Variants in CYLD observed in about 807,000 individuals in gnomAD.
CYLD encodes CYLD lysine 63 deubiquitinase.
In CYLD, 26 loss-of-function variants were observed where a neutral mutation model predicts 104.5. The observed-to-expected ratio is 0.25, with a 90% CI of 0.18 to 0.35. CYLD has a LOEUF of 0.35. Ranked by LOEUF, CYLD falls within the 10% of genes least tolerant of loss-of-function variation. The pLI, the probability that CYLD is intolerant of heterozygous loss-of-function variation, is 1.00. For synonymous variants in CYLD, 385 were observed against 399.9 expected (o/e 0.96, Z 0.45); for missense variants, 703 against 1,136.1 (o/e 0.62, Z 5.48).
At chr16:50,755,085 A>G (rs1966955288) in intron 5 of CYLD, among the ~76,000 whole-genome samples, 1 of 95,222 alleles carries the variant, frequency 1.1e-5, no homozygotes, top group Admixed American at 9.5e-5. Flanking sequence ...ACATATACAC[A>G]CATATATACA....
At chr16:50,759,544 G>T (rs1967668961) in intron 5 of CYLD, among the ~76,000 whole-genome samples, 1 of 152,112 alleles carries the variant, frequency 6.6e-6, no homozygotes, top group Admixed American at 6.5e-5. Flanking sequence ...AAATCTTACT[G>T]ATTTTTAAAT....
intron 5 of CYLD, among the ~76,000 whole-genome samples, chr16:50,761,858 G>A (rs1967980069): frequency 6.6e-6 from 1 of 152,022 alleles, no homozygotes; most frequent in South Asian, 2.1e-4. Context: ...CCCACAGGTA[G>A]AAGATACCCT....
chr16:50,749,342 C>T (rs1966444814), intron 2 of CYLD, among the ~76,000 whole-genome samples: 1 of 152,208 alleles, frequency 6.6e-6, no homozygotes, highest in East Asian at 1.9e-4. Flanking sequence ...AAGTACTTTA[C>T]AATTGGATTT....
chr16:50,767,466 A>T (rs868745763), intron 5 of CYLD, among the ~76,000 whole-genome samples: 11 of 143,940 alleles, frequency 7.6e-5, no homozygotes, highest in African/African-American at 2.6e-4. Flanking sequence ...GTGGGTTTCA[A>T]TTTTTTTTTT....
chr16:50,789,823 A>G (rs1307245196), intron 14 of CYLD, among the ~76,000 whole-genome samples: 1 of 152,246 alleles, frequency 6.6e-6, no homozygotes, highest in Non-Finnish European at 1.5e-5. Flanking sequence ...TGACAATGAA[A>G]GGTAAAACAG....
intron 13 of CYLD, 145 bp downstream of exon 13, chr16:50,787,091 C>G: frequency 1.4e-6 from 1 of 692,654 alleles, no homozygotes; most frequent in Non-Finnish European, 2.6e-6. Context: ...GTTAGCTCCT[C>G]TTTTTGTAAA....
At chr16:50,788,006 T>C (rs747696952) in intron 14 of CYLD, among the ~76,000 whole-genome samples, 154 bp downstream of exon 14, 9 of 152,238 alleles carry the variant, frequency 5.9e-5, no homozygotes, top group Non-Finnish European at 1.2e-4. Flanking sequence ...AAGTTAATTT[T>C]ATTTGTTGTC....
rs969679749 is a variant in CYLD, at chr16:50,800,281, C to G, written c.*3773C>G. On this transcript the variant is annotated 3_prime_UTR_variant, in exon 19 of 19. Coordinates refer to ENST00000427738, the MANE Select transcript of CYLD (RefSeq NM_001378743.1). ...GCCTAGGAAATCTGTGAGGGAATCC[C>G]CAGGGGAATCTCGTGACCAGCCAGG... The G allele has an allele frequency of 8.6e-6, 2 of 233,252 alleles. No homozygotes were observed. Among genetic ancestry groups the G allele is most frequent in the Non-Finnish European group, 1.7e-5 (2 of 118,030 alleles). 14.4% of individuals were successfully genotyped at this position (233,252 alleles called of 1,614,324 possible).
In CYLD at chr16:50,796,650, T is replaced by A; in HGVS notation, c.*142T>A. The stretch of plus-strand genomic sequence containing the variant: ...TCCTTCAGAAAAGGATGCCTCTGTT[T>A]AAAAACAAATTGCTTTTGTGTCCCT... On this transcript the variant is annotated 3_prime_UTR_variant, in exon 19 of 19. Transcript: ENST00000427738. 2 of 838,714 alleles carry A rather than the reference T, an allele frequency of 2.4e-6. No homozygotes were observed. Among genetic ancestry groups the A allele is most frequent in the Non-Finnish European group, 3.9e-6 (2 of 508,866 alleles). 52.0% of individuals were successfully genotyped at this position (838,714 alleles called of 1,614,324 possible).
intron 14 of CYLD, among the ~76,000 whole-genome samples, chr16:50,789,732 TA>T (rs556393751): frequency 1.8e-4 from 27 of 152,118 alleles, no homozygotes; most frequent in African/African-American, 5.1e-4. Context: ...ATAAGTACCT[TA>T]AAAAAAATCT....
At chr16:50,792,214 CCA>C (rs1399756247) in intron 15 of CYLD, among the ~76,000 whole-genome samples, 2 of 152,230 alleles carry the variant, frequency 1.3e-5, no homozygotes, top group African/African-American at 2.4e-5. Context: ...ACCTTAACAG[CCA>C]CAGTTATTTA....
chr16:50,765,517 C>T (rs1369162036), intron 5 of CYLD, among the ~76,000 whole-genome samples: 2 of 152,108 alleles, frequency 1.3e-5, no homozygotes, highest in Non-Finnish European at 2.9e-5. Flanking sequence ...CTACAATGGC[C>T]TCTAAGTGTT....
chr16:50,769,498 T>C (rs1482451114), intron 5 of CYLD, among the ~76,000 whole-genome samples: 2 of 152,238 alleles, frequency 1.3e-5, no homozygotes, highest in Non-Finnish European at 2.9e-5. Flanking sequence ...GTGAAAGTCT[T>C]TGGCCGATTA....
Position 50,755,042 on chromosome 16 carries a change from CAT to C in CYLD, c.913+625_913+626del, listed in dbSNP as rs201511377. ...ATATATACATATATATGTATATATACATATATATGTATATATACATATAGATA... is the reference window on the plus strand; with the variant it reads ...ATATATACATATATATGTATATATACATATATGTATATATACATATAGATA... On this transcript the variant is annotated intron_variant, in intron 5 of 18. Transcript: ENST00000427738. 9.9e-3 allele frequency among the ~76,000 whole-genome samples: 226 copies of C among 22,852 alleles called. 4 individuals carry two copies. Among genetic ancestry groups the C allele is most frequent in the Middle Eastern group, 0.023 (1 of 44 alleles). The allele number at this position is 22,852 out of a possible 152,430, so 15.0% of individuals were successfully genotyped here.
chr16:50,795,650 C>G (rs1971963969), intron 18 of CYLD: 1 of 702,132 alleles, frequency 1.4e-6, no homozygotes, highest in South Asian at 1.5e-5. Context: ...GGCCCTAGAT[C>G]AAGAGTTCTC....
In CYLD at chr16:50,786,960, C is replaced by T. The variant is rs1970898329; in HGVS notation, c.2041+14C>T. ...CTGAAGAAAAAGGTGACCATCTTAA[C>T]TTATATGCGTTAAAAATAACTGAAG... On this transcript the variant is annotated intron_variant, in intron 13 of 18. Transcript: ENST00000427738. The T allele has an allele frequency of 1.9e-6, 3 of 1,589,280 alleles. No homozygotes were observed. The highest frequency in any genetic ancestry group is 2.7e-5 in the African/African-American group (2 of 74,548).
At chr16:50,771,496 G>A (rs922223361) in intron 5 of CYLD, among the ~76,000 whole-genome samples, 1 of 152,144 alleles carries the variant, frequency 6.6e-6, no homozygotes, top group Non-Finnish European at 1.5e-5. Context: ...GTGGACATCT[G>A]TTTTCAGTTC....
chr16:50,785,619 G>A (rs1271269818), intron 12 of CYLD: 2 of 152,212 alleles, frequency 1.3e-5, no homozygotes, highest in African/African-American at 2.4e-5. Context: ...TCCTAGAAGA[G>A]AGGAAGAATA....
intron 15 of CYLD, 30 bp downstream of exon 15, chr16:50,791,720 G>A (rs1971449053): frequency 6.2e-7 from 1 of 1,611,732 alleles, no homozygotes; most frequent in Non-Finnish European, 8.5e-7. Context: ...GGTATTTTAT[G>A]TGAAAGTCTG....
Sources: gnomAD v4.1 joint callset for allele counts (sites outside exome capture counted in the v4.1 genomes callset) on GRCh38, gnomAD v4.1.1 for gene constraint, MANE v1.5 for transcripts, NCBI Gene and HGNC (gene_info 2026-07-23, HGNC 2026-07-21) for gene names.